The following TICAM1 variants were observed in gnomAD, a reference collection of about 807,000 sequenced individuals.
TICAM1 encodes TIR domain-containing adapter molecule 1.
For missense variants in TICAM1, 895 were observed against 938.2 expected, an observed-to-expected ratio of 0.95 and a Z score of 0.60; for synonymous variants, 439 against 415.4, an observed-to-expected ratio of 1.06 and a Z score of -0.69.
intron 1 of TICAM1, among the ~76,000 whole-genome samples, chr19:4,826,651 GCA>G (rs2093605879): frequency 6.6e-6 from 1 of 152,098 alleles, no homozygotes; most frequent in African/African-American, 2.4e-5. Flanking sequence ...CTGTTGGACA[GCA>G]CAGTTTTAGA....
At chr19:4,824,212 T>C (rs1203370177) in intron 1 of TICAM1, among the ~76,000 whole-genome samples, 1 of 152,154 alleles carries the variant, frequency 6.6e-6, no homozygotes, top group Non-Finnish European at 1.5e-5. Flanking sequence ...TTTTGCCATG[T>C]TGGCCAGGCT....
chr19:4,821,730 C>T (rs374570979), intron 1 of TICAM1, among the ~76,000 whole-genome samples: 10 of 151,566 alleles, frequency 6.6e-5, no homozygotes, highest in South Asian at 6.2e-4. Flanking sequence ...CCGCAACCTC[C>T]GCCTCCCGGG....
At chr19:4,827,123 G>A (rs895005530) in intron 1 of TICAM1, among the ~76,000 whole-genome samples, 3 of 151,702 alleles carry the variant, frequency 2.0e-5, no homozygotes, top group African/African-American at 7.3e-5. Context: ...GGCCGAGGCG[G>A]GTGGATTGCC....
intron 1 of TICAM1, among the ~76,000 whole-genome samples, chr19:4,825,679 CG>C (rs2093604425): frequency 6.8e-6 from 1 of 146,548 alleles, no homozygotes; most frequent in African/African-American, 2.5e-5. Context: ...AAAAATAGGC[CG>C]GGTGTGGTGG....
intron 1 of TICAM1, among the ~76,000 whole-genome samples, chr19:4,826,264 A>G (rs866047738): frequency 1.3e-5 from 2 of 151,388 alleles, no homozygotes; most frequent in African/African-American, 4.8e-5. Context: ...ATATTATTAA[A>G]TGCATTTACA....
At chr19:4,819,739 G>T (rs555713409) in intron 1 of TICAM1, among the ~76,000 whole-genome samples, 5 of 152,118 alleles carry the variant, frequency 3.3e-5, no homozygotes, top group Admixed American at 2.6e-4. Context: ...GCCGGGTGTG[G>T]TGGTCCGCGC....
At chr19:4,827,561 G>A (rs567747182) in intron 1 of TICAM1, among the ~76,000 whole-genome samples, 87 of 151,268 alleles carry the variant, frequency 5.8e-4, no homozygotes, top group African/African-American at 1.7e-3. Flanking sequence ...GATCGAGACC[G>A]TGCTGGCTAA....
intron 1 of TICAM1, among the ~76,000 whole-genome samples, chr19:4,829,514 G>A (rs371102485): frequency 7.2e-5 from 11 of 151,984 alleles, no homozygotes; most frequent in African/African-American, 2.4e-4. Flanking sequence ...GGCGCCTGGC[G>A]GGACAAAAAC....
intron 1 of TICAM1, among the ~76,000 whole-genome samples, chr19:4,821,625 C>T (rs191156122): frequency 4.6e-4 from 69 of 150,968 alleles, no homozygotes; most frequent in Non-Finnish European, 2.9e-5. Flanking sequence ...TTGACAGGGG[C>T]CACAAAATAT....
At chr19:4,830,468 C>G (rs1022305638) in intron 1 of TICAM1, among the ~76,000 whole-genome samples, 1 of 152,230 alleles carries the variant, frequency 6.6e-6, no homozygotes, top group African/African-American at 2.4e-5. Flanking sequence ...ATCCTCCCAC[C>G]TTGTCCTTTT....
Position 4,816,641 on chromosome 19 carries a change from G to A in TICAM1, c.1737C>T (p.Ser579=). 1 of 1,614,168 alleles carries A rather than the reference G, an allele frequency of 6.2e-7. No homozygotes were observed. The highest frequency in any genetic ancestry group is 1.3e-5 in the African/African-American group (1 of 75,078). The stretch of plus-strand genomic sequence containing the variant: ...GGAGCTGCTCCATCTGTGCCTGGTA[G>A]GACAAGTAGCTCTGGAGGTAGGCTG... ...AYSAYLQSYL[S]YQAQMEQLQV... Residue 579 remains serine (S), a synonymous_variant, in exon 2 of 2, where the codon TCC becomes TCT. Coordinates refer to ENST00000248244, the MANE Select transcript of TICAM1 (RefSeq NM_182919.4). This position sits in a 1 kb window ranked among gnomAD's most constrained non-coding sequence, Gnocchi z 4.3.
chr19:4,816,928 C>A lies in TICAM1; in HGVS notation c.1450G>T (p.Asp484Tyr), dbSNP rs776581496. The A allele has an allele frequency of 1.9e-6, 3 of 1,613,780 alleles. No homozygotes were observed. Among genetic ancestry groups the A allele is most frequent in the Admixed American group, 1.7e-5 (1 of 60,000 alleles). ...AGGGGCAGGAAGGGGATGACACAGTCTGGCGACCCCTGTCGCGTGAGGTTG... is the reference window on the plus strand; with the variant it reads ...AGGGGCAGGAAGGGGATGACACAGTATGGCGACCCCTGTCGCGTGAGGTTG... Reference protein sequence around the residue: ...MSNLTRQGSPDCVIPFLPLES... With the variant: ...MSNLTRQGSPYCVIPFLPLES... Residue 484 changes from aspartate (D) to tyrosine (Y), a missense_variant, in exon 2 of 2, where the codon GAC becomes TAC. Physicochemically the swap from Asp to Tyr is radical, Grantham distance 160. Transcript: ENST00000248244. The surrounding 1 kb of genome is among the most constrained non-coding windows in gnomAD (Gnocchi z 4.3).
At chr19:4,820,554 T>G (rs1278051237) in intron 1 of TICAM1, among the ~76,000 whole-genome samples, 1 of 150,408 alleles carries the variant, frequency 6.6e-6, no homozygotes, top group Non-Finnish European at 1.5e-5. Flanking sequence ...TACATAGCAT[T>G]CATTCATTCA....
chr19:4,818,686 T>C lies in TICAM1; in HGVS notation c.-139-170A>G, dbSNP rs1451427343. On this transcript the variant is annotated intron_variant, in intron 1 of 1. Transcript: ENST00000248244. The surrounding 1 kb of genome is among the most constrained non-coding windows in gnomAD (Gnocchi z 4.0). ...CCATTTCTTCCTCTGCAAAATGCTA[T>C]GAGGCCAGTGTGGTGGCTCAGGCCT... Among the ~76,000 whole-genome samples, 4 of 152,220 alleles carry C rather than the reference T, an allele frequency of 2.6e-5. No homozygotes were observed. The highest frequency in any genetic ancestry group is 4.4e-5 in the Non-Finnish European group (3 of 68,056).
intron 1 of TICAM1, among the ~76,000 whole-genome samples, chr19:4,831,405 A>C (rs570611752): frequency 1.9e-3 from 285 of 150,692 alleles, no homozygotes; most frequent in African/African-American, 6.7e-3. Context: ...ACAGTGGGGG[A>C]GGATCTGGGC....
Position 4,818,014 on chromosome 19 carries a change from C to T in TICAM1, c.364G>A (p.Val122Ile), listed in dbSNP as rs143789239. Reference sequence around the variant, plus strand: ...TCGTCCCTGGAGCTGAGGGTGCGGACGGCTTCCTGGTAGGCCACGTCCCGC... The same window carrying T: ...TCGTCCCTGGAGCTGAGGGTGCGGATGGCTTCCTGGTAGGCCACGTCCCGC... ...SLRDVAYQEA[V>I]RTLSSRDDHR... is the part of the protein sequence containing the mutation. The change falls in exon 2 of 2, where the codon GTC (valine) becomes ATC (isoleucine). Residue 122 changes from valine (V) to isoleucine (I), a missense_variant. Transcript: ENST00000248244. This position sits in a 1 kb window ranked among gnomAD's most constrained non-coding sequence, Gnocchi z 4.0. 1.3e-4 allele frequency: 211 copies of T among 1,611,584 alleles called. No individual in the cohort carries two copies. The East Asian group carries it at 1.4e-3, about 11-fold the overall frequency.
chr19:4,816,990 C>T lies in TICAM1; in HGVS notation c.1388G>A (p.Arg463His), dbSNP rs1555730200. Residue 463 changes from arginine (R) to histidine (H), a missense_variant, in exon 2 of 2, where the codon CGC (arginine) becomes CAC (histidine). Physicochemically the swap from Arg to His is conservative, Grantham distance 29. Coordinates refer to ENST00000248244, the MANE Select transcript of TICAM1 (RefSeq NM_182919.4). This position sits in a 1 kb window ranked among gnomAD's most constrained non-coding sequence, Gnocchi z 4.3. ...ILLLTSNFDC[R>H]LSLHQVNQAM... ...TTGGTTCACCTGGTGCAGGCTCAGG[C>T]GACAGTCGAAGTTGGAGGTGAGAAG... The T allele has an allele frequency of 5.0e-6, 8 of 1,614,020 alleles. No individual in the cohort carries two copies. Among genetic ancestry groups the T allele is most frequent in the Non-Finnish European group, 6.8e-6 (8 of 1,180,010 alleles).
intron 1 of TICAM1, among the ~76,000 whole-genome samples, chr19:4,829,939 T>C (rs2093611557): frequency 6.6e-6 from 1 of 150,654 alleles, no homozygotes; most frequent in African/African-American, 2.4e-5. Flanking sequence ...TCCTCCTGAG[T>C]GGCTGGGATT....
rs1303045695 is a variant in TICAM1 at position 4,816,268 on chromosome 19, G to T, written c.2110C>A (p.Pro704Thr). 1 of 1,513,274 alleles carries T rather than the reference G, an allele frequency of 6.6e-7. No individual in the cohort carries two copies. The highest frequency in any genetic ancestry group is 1.3e-5 in the South Asian group (1 of 75,104). The allele number at this position is 1,513,274 out of a possible 1,614,324, so 93.7% of individuals were successfully genotyped here. Residue 704 changes from proline to threonine, a missense_variant, in exon 2 of 2, where the codon CCC becomes ACC. Coordinates refer to ENST00000248244, the MANE Select transcript of TICAM1 (RefSeq NM_182919.4). This position sits in a 1 kb window ranked among gnomAD's most constrained non-coding sequence, Gnocchi z 4.3. The part of the protein sequence containing the change: ...HMWNQRGSQA[P>T]EDKTQEAE The stretch of plus-strand genomic sequence containing the variant: ...TCTGCCTCCTGCGTCTTGTCCTCGG[G>T]CGCCTGGGACCCTCTCTGGTTCCAC...
Sources: gnomAD v4.1 joint callset for allele counts (sites outside exome capture counted in the v4.1 genomes callset) on GRCh38, gnomAD v4.1.1 for gene constraint, Gnocchi (gnomAD v3.1) non-coding constraint, MANE v1.5 for transcripts, NCBI Gene and HGNC (gene_info 2026-07-23, HGNC 2026-07-21) for gene names.